Variants in PI4KA observed in about 807,000 individuals in gnomAD.
PI4KA encodes the protein phosphatidylinositol 4-kinase alpha.
In PI4KA, 122 loss-of-function variants were observed where a neutral mutation model predicts 271.4. That is an observed-to-expected ratio of 0.45 (90% confidence interval 0.39 to 0.52). PI4KA has a LOEUF of 0.52. PI4KA is among the 20% of genes least tolerant of loss of function. The pLI is 0.00. For synonymous variants in PI4KA, 1,041 were observed against 1,078.8 expected, an observed-to-expected ratio of 0.96 and a Z score of 0.69; for missense variants, 1,969 against 2,769.1, an observed-to-expected ratio of 0.71 and a Z score of 6.48.
chr22:20,798,732 T>C (rs764924999), intron 16 of PI4KA, 45 bp from the exon 17 acceptor site: 2 of 1,254,152 alleles, frequency 1.6e-6, no homozygotes, highest in Non-Finnish European at 2.3e-6. Context: ...GATGCCCTCA[T>C]GAGGCCCCTC....
chr22:20,727,510 G>GT, intron 40 of PI4KA, 113 bp from the exon 41 acceptor site: 1 of 1,002,908 alleles, frequency 1.0e-6, no homozygotes, highest in Non-Finnish European at 1.4e-6. Context: ...CTAAGCATCG[G>GT]TAACCATGGG....
chr22:20,801,291 A>G (rs1315398102), intron 14 of PI4KA, among the ~76,000 whole-genome samples: 1 of 152,058 alleles, frequency 6.6e-6, no homozygotes, highest in Non-Finnish European at 1.5e-5. Context: ...AAGCTTTAAA[A>G]AAGTATAAAT....
chr22:20,798,316 C>T (rs1216116344), intron 17 of PI4KA, among the ~76,000 whole-genome samples: 1 of 152,036 alleles, frequency 6.6e-6, no homozygotes, highest in African/African-American at 2.4e-5. Flanking sequence ...TGTGCTGCCC[C>T]ATAAAAAAGC....
intron 19 of PI4KA, chr22:20,780,294 T>C (rs958075056): frequency 1.0e-5 from 16 of 1,576,716 alleles, no homozygotes; most frequent in Non-Finnish European, 1.3e-5. Context: ...ACTGTAGCTA[T>C]AATTTATCCA....
In PI4KA at chr22:20,784,229, A is replaced by T; in HGVS notation, c.2328+8964T>A. 1.2e-6 allele frequency: 2 copies of T among 1,614,168 alleles called. No homozygotes were observed. The highest frequency in any genetic ancestry group is 1.7e-6 in the Non-Finnish European group (2 of 1,180,028). ...ACCCCGGGTGGTGGAGAGATGGCAA[A>T]AAAGCATGACAAACAGGTATTTCAC... On this transcript the variant is annotated intron_variant, in intron 19 of 54. Coordinates refer to ENST00000255882, the MANE Select transcript of PI4KA (RefSeq NM_058004.4).
At chr22:20,770,137 T>C (rs1932803825) in intron 19 of PI4KA, among the ~76,000 whole-genome samples, 1 of 151,868 alleles carries the variant, frequency 6.6e-6, no homozygotes, top group Non-Finnish European at 1.5e-5. Context: ...CATACTCAAG[T>C]GATCCTTCTG....
chr22:20,760,476 T>C (rs61569771), intron 23 of PI4KA, among the ~76,000 whole-genome samples: 1 of 152,338 alleles, frequency 6.6e-6, no homozygotes, highest in East Asian at 1.9e-4. Flanking sequence ...AAATACACTT[T>C]TGTAAAACTA....
At chr22:20,748,014 G>A (rs1396576359) in intron 28 of PI4KA, among the ~76,000 whole-genome samples, 2 of 152,198 alleles carry the variant, frequency 1.3e-5, no homozygotes, top group Non-Finnish European at 2.9e-5. Context: ...AGGATTACAG[G>A]CATGAGCCAC....
intron 3 of PI4KA, among the ~76,000 whole-genome samples, chr22:20,826,897 GGT>G (rs1491528237): frequency 1.8e-5 from 2 of 111,688 alleles, no homozygotes; most frequent in Non-Finnish European, 3.7e-5. Flanking sequence ...CTTTTAACGG[GGT>G]TTTTTTTTTG....
chr22:20,809,365 T>C (rs1359301135), intron 9 of PI4KA, among the ~76,000 whole-genome samples: 2 of 152,078 alleles, frequency 1.3e-5, no homozygotes, highest in Non-Finnish European at 2.9e-5. Flanking sequence ...TAATTGGTAG[T>C]GGTTATTACA....
At chr22:20,739,481 A>C (rs1238928971) in intron 32 of PI4KA, among the ~76,000 whole-genome samples, 1 of 151,742 alleles carries the variant, frequency 6.6e-6, no homozygotes, top group Non-Finnish European at 1.5e-5. Flanking sequence ...AAAAAAAAAA[A>C]ACAAAAGAAA....
chr22:20,856,111 G>A (rs974607776), intron 1 of PI4KA, among the ~76,000 whole-genome samples: 15 of 152,114 alleles, frequency 9.9e-5, no homozygotes, highest in African/African-American at 1.2e-4. Flanking sequence ...GTGAAACCCC[G>A]TCTCCACTAA....
intron 1 of PI4KA, among the ~76,000 whole-genome samples, chr22:20,849,389 C>A (rs141748027): frequency 6.6e-6 from 1 of 152,108 alleles, no homozygotes; most frequent in Non-Finnish European, 1.5e-5. Context: ...AACACTTGTA[C>A]GTGAATTTCC....
At chr22:20,797,557 A>G (rs774426872) in intron 17 of PI4KA, among the ~76,000 whole-genome samples, 46 of 152,216 alleles carry the variant, frequency 3.0e-4, no homozygotes, top group Non-Finnish European at 5.3e-4. Flanking sequence ...AGGCTGTTCT[A>G]GTAGCCTGGG....
intron 18 of PI4KA, among the ~76,000 whole-genome samples, chr22:20,795,664 C>T (rs182231136): frequency 6.6e-6 from 1 of 152,306 alleles, no homozygotes; most frequent in East Asian, 1.9e-4. Flanking sequence ...TCACCTGCCT[C>T]GGCCCCACCA....
intron 13 of PI4KA, 101 bp downstream of exon 13, chr22:20,803,090 G>A (rs1030042811): frequency 1.2e-5 from 15 of 1,231,486 alleles, no homozygotes; most frequent in African/African-American, 4.5e-5. Context: ...AAGGTGTGGC[G>A]AAGGAATGCA....
At chr22:20,810,577 G>C (rs1045128087) in intron 9 of PI4KA, among the ~76,000 whole-genome samples, 2 of 151,934 alleles carry the variant, frequency 1.3e-5, no homozygotes, top group Non-Finnish European at 2.9e-5. Flanking sequence ...CATACGCCTA[G>C]AAAAGTGTAG....
Position 20,819,502 on chromosome 22 carries a change from T to A in PI4KA, c.789+139A>T, listed in dbSNP as rs1922314956. 3 of 774,182 alleles carry A rather than the reference T, an allele frequency of 3.9e-6. No homozygotes were observed. In the East Asian group the frequency reaches 7.7e-5, roughly 20 times the overall value. 48.0% of individuals were successfully genotyped at this position (774,182 alleles called of 1,614,324 possible). A position where few individuals can be genotyped will look rare whatever the true frequency, so the allele number is the denominator to read the frequency against. On this transcript the variant is annotated intron_variant, in intron 6 of 54. Coordinates refer to ENST00000255882, the MANE Select transcript of PI4KA (RefSeq NM_058004.4). ...AACATCTTAAGAGGGACAAGACAAG[T>A]CTTTGTATTAAAGAGAATTCTAGTG...
chr22:20,821,408 CAG>C (rs1414976992), intron 4 of PI4KA, among the ~76,000 whole-genome samples: 9 of 151,640 alleles, frequency 5.9e-5, no homozygotes, highest in African/African-American at 1.9e-4. Flanking sequence ...TTAGTACAGA[CAG>C]GGTTTCACCA....
Sources: allele counts gnomAD v4.1 joint callset (sites outside exome capture counted in the v4.1 genomes callset), GRCh38; gene constraint gnomAD v4.1.1; transcripts MANE v1.5; gene names NCBI Gene and HGNC (gene_info 2026-07-23, HGNC 2026-07-21).